Variants in CRACR2A observed in about 807,000 individuals in gnomAD.
The protein encoded by CRACR2A is EF-hand calcium-binding domain-containing protein 4B.
Under a neutral mutation model 90.5 loss-of-function variants are expected in CRACR2A, and 79 were observed. The observed-to-expected ratio is 0.87, with a 90% CI of 0.73 to 1.05. The LOEUF (loss-of-function observed/expected upper bound fraction) is 1.05. Ranked by LOEUF, CRACR2A falls within the 50% of genes least tolerant of loss-of-function variation. The pLI is 0.00. For missense variants in CRACR2A, 823 were observed against 897.2 expected (o/e 0.92, Z 1.06); for synonymous variants, 338 against 356.7 (o/e 0.95, Z 0.59).
At chr12:3,684,127 T>A (rs888142751) in intron 4 of CRACR2A, among the ~76,000 whole-genome samples, 2 of 152,202 alleles carry the variant, frequency 1.3e-5, no homozygotes, top group African/African-American at 4.8e-5. Flanking sequence ...CATGCTTCCA[T>A]GACATTTTTA....
At chr12:3,645,765 C>T (rs1303849996) in intron 11 of CRACR2A, among the ~76,000 whole-genome samples, 1 of 152,282 alleles carries the variant, frequency 6.6e-6, no homozygotes, top group East Asian at 1.9e-4. Context: ...ATGTGAACAA[C>T]TCTTCTGAAA....
intron 13 of CRACR2A, among the ~76,000 whole-genome samples, chr12:3,641,117 G>A (rs1471250558): frequency 2.6e-5 from 4 of 152,198 alleles, no homozygotes; most frequent in South Asian, 2.1e-4. Flanking sequence ...AGGCCGAGGC[G>A]GGCAGATCAC....
chr12:3,711,388 A>G lies in CRACR2A; in HGVS notation c.-37+1849T>C, dbSNP rs1946004298. On this transcript the variant is annotated intron_variant, in intron 3 of 19. Coordinates refer to ENST00000440314, the MANE Select transcript of CRACR2A (RefSeq NM_001144958.2). This position sits in a 1 kb window ranked among gnomAD's most constrained non-coding sequence, Gnocchi z 4.3. ...CCACTCCTTTAAACTTTGCTTAGAT[A>G]TTTCCTCAGTCAAATATCCAATTTC... Among the ~76,000 whole-genome samples, 1 of 152,220 alleles carries G rather than the reference A, an allele frequency of 6.6e-6. No homozygotes were observed.
chr12:3,662,030 A>G (rs2137514060), intron 7 of CRACR2A, among the ~76,000 whole-genome samples: 1 of 152,324 alleles, frequency 6.6e-6, no homozygotes, highest in Non-Finnish European at 1.5e-5. Context: ...TGGTATGTGA[A>G]TTAAGTTATT....
chr12:3,742,200 T>C (rs1335588435), intron 1 of CRACR2A, among the ~76,000 whole-genome samples: 4 of 152,182 alleles, frequency 2.6e-5, no homozygotes, highest in Non-Finnish European at 5.9e-5. Context: ...AAGAATTCAA[T>C]AGTGGGCCTG....
At position 3,621,185 on chromosome 12, in the gene CRACR2A, G is replaced by C. The variant is rs541732130; in HGVS notation, c.1933-1813C>G. On this transcript the variant is annotated intron_variant, in intron 17 of 19. Transcript: ENST00000440314. ...CTCTGAAAATATGAGCATCAGACTT[G>C]AAATCCCAGGGCAGAATTCTACCCC... 4.6e-5 allele frequency among the ~76,000 whole-genome samples: 7 copies of C among 152,242 alleles called. No individual in the cohort carries two copies. In the South Asian group the frequency reaches 1.5e-3, roughly 32 times the overall value.
intron 1 of CRACR2A, among the ~76,000 whole-genome samples, chr12:3,747,343 T>C (rs1402146549): frequency 6.6e-6 from 1 of 152,196 alleles, no homozygotes; most frequent in Non-Finnish European, 1.5e-5. Context: ...CCATGCCCAG[T>C]GTGTTTCTGT....
intron 14 of CRACR2A, among the ~76,000 whole-genome samples, chr12:3,635,130 G>T (rs951274094): frequency 1.3e-5 from 2 of 152,178 alleles, no homozygotes; most frequent in Admixed American, 6.5e-5. Context: ...CCCAGGCAGA[G>T]CACTTTGATT....
At chr12:3,720,451 G>GC (rs1477820713) in intron 2 of CRACR2A, among the ~76,000 whole-genome samples, 1 of 131,068 alleles carries the variant, frequency 7.6e-6, no homozygotes, top group African/African-American at 2.8e-5. Context: ...AAGAAAGAAA[G>GC]AAAGAAAGAA....
chr12:3,718,779 G>A (rs529891714), intron 2 of CRACR2A, among the ~76,000 whole-genome samples: 1 of 152,308 alleles, frequency 6.6e-6, no homozygotes, highest in East Asian at 1.9e-4. Context: ...GCGCTGGTCT[G>A]GAGTGTAAGC....
Position 3,638,433 on chromosome 12 carries a change from C to G in CRACR2A, c.1293G>C (p.Glu431Asp). 6.6e-7 allele frequency: 1 copy of G among 1,526,240 alleles called. No individual in the cohort carries two copies. The highest frequency in any genetic ancestry group is 8.8e-7 in the Non-Finnish European group (1 of 1,130,428). The allele number at this position is 1,526,240 out of a possible 1,614,324, so 94.5% of individuals were successfully genotyped here. Reference protein sequence around the residue: ...ILRSQSEEEEEVFGIPRRSSL... With the variant: ...ILRSQSEEEEDVFGIPRRSSL... ...AGCTTCTCCTTGGGATGCCAAACAC[C>G]TCCTCCTCCTCCTCTGACTGGCTAC... The change falls in exon 14 of 20, where the codon GAG (glutamate) becomes GAC (aspartate). Residue 431 changes from glutamate to aspartate, a missense_variant. Physicochemically the swap from Glu to Asp is conservative, Grantham distance 45. Transcript: ENST00000440314.
At chr12:3,652,895 G>A (rs945018221) in intron 10 of CRACR2A, among the ~76,000 whole-genome samples, 2 of 152,164 alleles carry the variant, frequency 1.3e-5, no homozygotes, top group East Asian at 1.9e-4. Context: ...TCAGCAAGAC[G>A]TGCCTAACTC....
intron 3 of CRACR2A, among the ~76,000 whole-genome samples, chr12:3,707,048 C>G (rs1475726499): frequency 6.6e-6 from 1 of 152,050 alleles, no homozygotes; most frequent in Non-Finnish European, 1.5e-5. Context: ...AAAAATCTAC[C>G]CTTGACTCCC....
At chr12:3,721,804 T>C (rs1946182343) in intron 2 of CRACR2A, among the ~76,000 whole-genome samples, 1 of 152,182 alleles carries the variant, frequency 6.6e-6, no homozygotes, top group African/African-American at 2.4e-5. Context: ...TTTATGATGT[T>C]CTTTAGTATT....
At chr12:3,721,107 G>T (rs1711528864) in intron 2 of CRACR2A, among the ~76,000 whole-genome samples, 1 of 152,184 alleles carries the variant, frequency 6.6e-6, no homozygotes. Flanking sequence ...GCACGCACCA[G>T]CACAGCAAAG....
At position 3,711,934 on chromosome 12, in the gene CRACR2A, A is replaced by G. The variant is rs977790399; in HGVS notation, c.-37+1303T>C. Among the ~76,000 whole-genome samples the G allele has an allele frequency of 6.6e-6, 1 of 152,252 alleles. No individual in the cohort carries two copies. Among genetic ancestry groups the G allele is most frequent in the African/African-American group, 2.4e-5 (1 of 41,468 alleles). On this transcript the variant is annotated intron_variant, in intron 3 of 19. Coordinates refer to ENST00000440314, the MANE Select transcript of CRACR2A (RefSeq NM_001144958.2). The surrounding 1 kb of genome is among the most constrained non-coding windows in gnomAD (Gnocchi z 4.3). The stretch of plus-strand genomic sequence containing the variant: ...TGTATGAATCACTATGAGTTTGGAT[A>G]GCATATTATTATCATGGATTTTAGT...
intron 19 of CRACR2A, among the ~76,000 whole-genome samples, chr12:3,615,900 T>C (rs768609694): frequency 1.3e-5 from 2 of 152,220 alleles, no homozygotes; most frequent in Non-Finnish European, 2.9e-5. Context: ...TACTGATGGG[T>C]CGTAACCTCT....
chr12:3,622,654 G>GT (rs1372464619), intron 17 of CRACR2A, among the ~76,000 whole-genome samples: 6 of 152,076 alleles, frequency 3.9e-5, no homozygotes, highest in Non-Finnish European at 7.3e-5. Flanking sequence ...GTGTGCGTGC[G>GT]TTTTAATATC....
intron 17 of CRACR2A, among the ~76,000 whole-genome samples, chr12:3,622,710 C>T (rs1398176531): frequency 6.6e-6 from 1 of 152,004 alleles, no homozygotes; most frequent in East Asian, 1.9e-4. Context: ...GATAGTGCTG[C>T]TATTTCTCTG....
Sources: gnomAD v4.1 joint callset for allele counts (sites outside exome capture counted in the v4.1 genomes callset) on GRCh38, gnomAD v4.1.1 for gene constraint, Gnocchi (gnomAD v3.1) non-coding constraint, MANE v1.5 for transcripts, NCBI Gene and HGNC (gene_info 2026-07-23, HGNC 2026-07-21) for gene names.